The following ABLIM1 variants were observed in gnomAD, a reference collection of about 807,000 sequenced individuals.
ABLIM1 encodes the protein actin-binding LIM protein 1.
Under a neutral mutation model 107.0 loss-of-function variants are expected in ABLIM1, and 40 were observed. The ratio of observed to expected loss-of-function variants is 0.37; its 90% confidence interval spans 0.29 to 0.49. The LOEUF (loss-of-function observed/expected upper bound fraction) is 0.49, where lower values mean the gene tolerates loss of function less well. Among genes scored for constraint, ABLIM1 ranks in the 20% least tolerant of loss-of-function variants. The probability of loss-of-function intolerance (pLI) is 0.97; values close to 1 mark genes in which losing one functional copy is unlikely to be tolerated. For synonymous variants in ABLIM1, 357 were observed against 357.3 expected, an observed-to-expected ratio of 1.00 and a Z score of 0.01; for missense variants, 857 against 1,008.5, an observed-to-expected ratio of 0.85 and a Z score of 2.04.
chr10:114,690,607 T>C lies in ABLIM1; in HGVS notation c.-213+77454A>G, dbSNP rs552258834. 2,389 of 815,640 alleles carry C rather than the reference T, an allele frequency of 2.9e-3. 7 individuals are homozygous for C. Among genetic ancestry groups the C allele is most frequent in the Non-Finnish European group, 4.0e-3 (1,865 of 462,666 alleles). 50.5% of individuals were successfully genotyped at this position (815,640 alleles called of 1,614,324 possible). A position where few individuals can be genotyped will look rare whatever the true frequency, so the allele number is the denominator to read the frequency against. ...ATGCAGCCCAAGGGCTCACCATTGA[T>C]GGCAATGTTGAAGAACACCGTGGGA... On this transcript the variant is annotated intron_variant, in intron 1 of 15. Coordinates refer to the ABLIM1 transcript ENST00000651092.
At chr10:114,636,289 A>T (rs1254266671) in intron 1 of ABLIM1, among the ~76,000 whole-genome samples, 1 of 152,190 alleles carries the variant, frequency 6.6e-6, no homozygotes, top group East Asian at 1.9e-4. Flanking sequence ...GAGGCTCAAG[A>T]TGAGGCTGGG....
In ABLIM1 at chr10:114,575,607, G is replaced by A. The variant is rs892292186; in HGVS notation, c.380-8C>T. ...CCAGGTCACAGCCACACACTGTAGA[G>A]AGACAAGTTCACATCTGGTCATTAT... On this transcript the variant is annotated splice_region_variant and splice_polypyrimidine_tract_variant and intron_variant, in intron 2 of 22. Coordinates refer to ENST00000533213, the MANE Select transcript of ABLIM1 (RefSeq NM_002313.7). The A allele has an allele frequency of 5.0e-6, 8 of 1,611,730 alleles. No homozygotes were observed. In the African/African-American group the frequency reaches 5.3e-5, roughly 11 times the overall value.
chr10:114,495,068 C>G (rs1007822484), intron 6 of ABLIM1, among the ~76,000 whole-genome samples: 4 of 152,150 alleles, frequency 2.6e-5, no homozygotes, highest in African/African-American at 9.7e-5. Context: ...GTGTGCCCTT[C>G]TTAGAGAGAA....
chr10:114,460,209 C>A (rs572391509), intron 12 of ABLIM1, among the ~76,000 whole-genome samples: 18 of 152,294 alleles, frequency 1.2e-4, no homozygotes, highest in Middle Eastern at 3.4e-3. Context: ...TAGTGGTGAG[C>A]CCCTGGACAG....
chr10:114,783,791 T>G, the ABLIM1 span, among the ~76,000 whole-genome samples: 1 of 151,778 alleles, frequency 6.6e-6, no homozygotes, highest in African/African-American at 2.4e-5. Flanking sequence ...GGCTAATAAT[T>G]TCAAGCTACC....
At chr10:114,580,056 C>T (rs2073161216) in intron 2 of ABLIM1, among the ~76,000 whole-genome samples, 1 of 151,932 alleles carries the variant, frequency 6.6e-6, no homozygotes, top group African/African-American at 2.4e-5. Context: ...TTATTCTTGT[C>T]CAGTAGAGAT....
intron 1 of ABLIM1, among the ~76,000 whole-genome samples, chr10:114,657,001 A>G (rs1006691767): frequency 5.3e-5 from 8 of 152,232 alleles, no homozygotes; most frequent in African/African-American, 1.9e-4. Context: ...TATATGTAAC[A>G]TATCAGTTGC....
intron 6 of ABLIM1, among the ~76,000 whole-genome samples, chr10:114,511,810 CT>C (rs2061917491): frequency 6.6e-6 from 1 of 152,252 alleles, no homozygotes; most frequent in Non-Finnish European, 1.5e-5. Context: ...GAAAAGCCAA[CT>C]GTCCATATTC....
At chr10:114,781,207 TA>T in the ABLIM1 span, among the ~76,000 whole-genome samples, 2 of 152,046 alleles carry the variant, frequency 1.3e-5, no homozygotes, top group African/African-American at 4.8e-5. Context: ...CACCCCCACT[TA>T]AAAAAATATA....
the ABLIM1 span, among the ~76,000 whole-genome samples, chr10:114,799,404 G>C: frequency 6.6e-6 from 1 of 152,152 alleles, no homozygotes; most frequent in African/African-American, 2.4e-5. Context: ...CCCTAGGCTG[G>C]TATATCCAAC....
intron 14 of ABLIM1, among the ~76,000 whole-genome samples, chr10:114,450,891 A>G (rs138911418): frequency 3.5e-4 from 54 of 152,306 alleles, no homozygotes; most frequent in African/African-American, 1.2e-3. Context: ...TGGTCGATAT[A>G]TCTACAGAGA....
intron 6 of ABLIM1, among the ~76,000 whole-genome samples, chr10:114,499,920 G>T (rs912517531): frequency 6.6e-6 from 1 of 152,208 alleles, no homozygotes; most frequent in Non-Finnish European, 1.5e-5. Context: ...GGACTGGCTT[G>T]ATCTCTAAGC....
chr10:114,800,987 C>T, the ABLIM1 span, among the ~76,000 whole-genome samples: 2 of 152,120 alleles, frequency 1.3e-5, no homozygotes, highest in African/African-American at 4.8e-5. Flanking sequence ...TGAAACTTAA[C>T]TACTAATAGC....
At chr10:114,751,802 C>T (rs946282931) in intron 1 of ABLIM1, among the ~76,000 whole-genome samples, 1 of 151,260 alleles carries the variant, frequency 6.6e-6, no homozygotes, top group African/African-American at 2.4e-5. Context: ...CGAACTCATG[C>T]ACAGGGGGGA....
At chr10:114,527,887 G>C (rs966204076) in intron 6 of ABLIM1, among the ~76,000 whole-genome samples, 1 of 146,042 alleles carries the variant, frequency 6.8e-6, no homozygotes, top group African/African-American at 2.6e-5. Context: ...GCCCACGCTA[G>C]AGTGCAGTGG....
chr10:114,745,224 T>A (rs2142338892), intron 1 of ABLIM1, among the ~76,000 whole-genome samples: 1 of 152,316 alleles, frequency 6.6e-6, no homozygotes, highest in East Asian at 1.9e-4. Flanking sequence ...TACAATGCTA[T>A]CCTGCCTGAC....
chr10:114,516,006 T>C (rs960680970), intron 6 of ABLIM1, among the ~76,000 whole-genome samples: 21 of 152,228 alleles, frequency 1.4e-4, no homozygotes, highest in African/African-American at 5.1e-4. Flanking sequence ...TTTGTTATGC[T>C]GGCTCCAAAA....
intron 1 of ABLIM1, among the ~76,000 whole-genome samples, chr10:114,716,398 T>C (rs902395378): frequency 2.9e-5 from 4 of 137,890 alleles, no homozygotes; most frequent in African/African-American, 3.0e-5. Context: ...TGTTCTCAAA[T>C]TGGTAGAGAG....
intron 6 of ABLIM1, among the ~76,000 whole-genome samples, chr10:114,521,226 T>C (rs1278345946): frequency 6.6e-6 from 1 of 152,224 alleles, no homozygotes; most frequent in Non-Finnish European, 1.5e-5. Flanking sequence ...CTGTATAATC[T>C]GCGCTACCAA....
Sources: allele counts gnomAD v4.1 joint callset (sites outside exome capture counted in the v4.1 genomes callset), GRCh38; gene constraint gnomAD v4.1.1; transcripts MANE v1.5; gene names NCBI Gene and HGNC (gene_info 2026-07-23, HGNC 2026-07-21).